AEBP2: variants seen among roughly 807,000 people sequenced by gnomAD.
AEBP2 encodes the protein zinc finger protein AEBP2.
A neutral mutation model predicts 50.8 loss-of-function variants in AEBP2; 10 were observed. That is an observed-to-expected ratio of 0.20 (90% CI 0.12 to 0.33). The LOEUF (loss-of-function observed/expected upper bound fraction) is 0.33, where lower values mean the gene tolerates loss of function less well. AEBP2 is among the 10% of genes least tolerant of loss of function. The pLI is 1.00. For missense variants in AEBP2, 570 were observed against 688.0 expected (o/e 0.83, Z 1.92); for synonymous variants, 296 against 261.3 (o/e 1.13, Z -1.28).
intron 3 of AEBP2, among the ~76,000 whole-genome samples, chr12:19,474,259 A>G (rs1948615984): frequency 6.6e-6 from 1 of 152,226 alleles, no homozygotes; most frequent in Admixed American, 6.5e-5. Context: ...AAAGCAGCAT[A>G]TACCATAGAG....
chr12:19,499,353 C>T (rs187502644), intron 4 of AEBP2, among the ~76,000 whole-genome samples: 13 of 152,260 alleles, frequency 8.5e-5, no homozygotes, highest in African/African-American at 2.9e-4. Flanking sequence ...TGGCTCATGC[C>T]TGTATACCCA....
At chr12:19,516,277 AT>A (rs1487604853) in intron 7 of AEBP2, among the ~76,000 whole-genome samples, 2 of 152,246 alleles carry the variant, frequency 1.3e-5, no homozygotes, top group African/African-American at 4.8e-5. Context: ...TTTGTACCTA[AT>A]TTAGAGTTAT....
Position 19,500,182 on chromosome 12 carries a change from A to C in AEBP2, c.1260A>C (p.Glu420Asp). The C allele has an allele frequency of 6.3e-7, 1 of 1,588,978 alleles. No individual in the cohort carries two copies. Among genetic ancestry groups the C allele is most frequent in the Non-Finnish European group, 8.6e-7 (1 of 1,166,972 alleles). The stretch of plus-strand genomic sequence containing the variant: ...GCTTTAACCTCTCAGCTCATATAGA[A>C]AGTTTAGGGAAGGGACACAGTGTTG... Reference protein sequence around the residue: ...AICFNLSAHIESLGKGHSVVF... With the variant: ...AICFNLSAHIDSLGKGHSVVF... Residue 420 changes from glutamate to aspartate, a missense_variant, in exon 5 of 8, where the codon GAA (glutamate) becomes GAC (aspartate). By Grantham distance (45) the Glu-to-Asp change is conservative (BLOSUM62 2). This residue lies in a region of AEBP2 where 184 missense variants were observed against 351.2 expected (regional missense o/e 0.52). Coordinates refer to ENST00000266508, the MANE Select transcript of AEBP2 (RefSeq NM_153207.5).
intron 1 of AEBP2, among the ~76,000 whole-genome samples, chr12:19,424,740 G>T (rs1050744392): frequency 2.0e-5 from 3 of 152,048 alleles, no homozygotes; most frequent in African/African-American, 7.2e-5. Flanking sequence ...AGGTGTGGTG[G>T]CTCACACCTA....
In AEBP2 at chr12:19,519,844, A is replaced by G. The variant is rs1486214599; in HGVS notation, c.*1727A>G. 6.6e-6 allele frequency: 1 copy of G among 152,402 alleles called. No individual in the cohort carries two copies. Among genetic ancestry groups the G allele is most frequent in the Non-Finnish European group, 1.5e-5 (1 of 67,974 alleles). 9.4% of individuals were successfully genotyped at this position (152,402 alleles called of 1,614,324 possible). ...TATACATGAAAATGAGTCTTATAAAATTAAGTGAAGTGCAAATAAAAGCAC... is the reference window on the plus strand; with the variant it reads ...TATACATGAAAATGAGTCTTATAAAGTTAAGTGAAGTGCAAATAAAAGCAC... On this transcript the variant is annotated 3_prime_UTR_variant, in exon 8 of 8. Transcript: ENST00000266508.
At chr12:19,405,988 T>C (rs2095736077) in intron 1 of AEBP2, among the ~76,000 whole-genome samples, 1 of 151,368 alleles carries the variant, frequency 6.6e-6, no homozygotes, top group Non-Finnish European at 1.5e-5. Flanking sequence ...TTTTTTTCTT[T>C]TTTGAGACGG....
chr12:19,501,349 A>G (rs898990800), intron 5 of AEBP2, among the ~76,000 whole-genome samples: 1 of 151,206 alleles, frequency 6.6e-6, no homozygotes, highest in African/African-American at 2.4e-5. Flanking sequence ...AAAAAAAAAA[A>G]TACAGCCAGG....
chr12:19,446,920 C>T (rs1359362897), intron 1 of AEBP2, among the ~76,000 whole-genome samples: 1 of 151,474 alleles, frequency 6.6e-6, no homozygotes, highest in Non-Finnish European at 1.5e-5. Flanking sequence ...GCAAGACTCT[C>T]ACAAAAAACA....
chr12:19,505,047 A>T (rs1315573559), intron 5 of AEBP2, among the ~76,000 whole-genome samples: 1 of 152,202 alleles, frequency 6.6e-6, no homozygotes, highest in Non-Finnish European at 1.5e-5. Context: ...TAGGAAATAC[A>T]TTTATCTAAA....
chr12:19,513,007 T>C (rs1949258666), intron 6 of AEBP2, among the ~76,000 whole-genome samples: 1 of 152,116 alleles, frequency 6.6e-6, no homozygotes, highest in South Asian at 2.1e-4. Context: ...GTGGTGTTTT[T>C]TGTTTTGTTT....
At chr12:19,478,966 T>C (rs1316309156) in intron 3 of AEBP2, among the ~76,000 whole-genome samples, 4 of 152,152 alleles carry the variant, frequency 2.6e-5, no homozygotes, top group African/African-American at 4.8e-5. Context: ...TCTCGCACTT[T>C]GGGAGGCCGA....
At chr12:19,512,602 A>G (rs77994743) in intron 6 of AEBP2, 137 bp downstream of exon 6, 17,711 of 619,088 alleles carry the variant, frequency 0.029, 766 homozygotes, top group Admixed American at 0.15. Context: ...TCAGGATTAA[A>G]GAGATAATCT....
At chr12:19,452,145 C>T (rs1474859182) in intron 1 of AEBP2, among the ~76,000 whole-genome samples, 1 of 152,174 alleles carries the variant, frequency 6.6e-6, no homozygotes, top group Non-Finnish European at 1.5e-5. Flanking sequence ...CCCACCTCAG[C>T]CTCCCAAAGT....
At chr12:19,443,307 C>A (rs1479185068) in intron 1 of AEBP2, among the ~76,000 whole-genome samples, 1 of 150,700 alleles carries the variant, frequency 6.6e-6, no homozygotes, top group Non-Finnish European at 1.5e-5. Context: ...GTTGTCCAGG[C>A]TGGTCTTGAA....
chr12:19,452,070 T>C (rs865814729), intron 1 of AEBP2, among the ~76,000 whole-genome samples: 2 of 152,250 alleles, frequency 1.3e-5, no homozygotes, highest in Middle Eastern at 3.4e-3. Flanking sequence ...TTTGTATTTT[T>C]AGTAGAGGTA....
At chr12:19,503,328 GGTGTGT>G (rs374431120) in intron 5 of AEBP2, among the ~76,000 whole-genome samples, 2 of 145,556 alleles carry the variant, frequency 1.4e-5, no homozygotes, top group Non-Finnish European at 3.1e-5. Flanking sequence ...TGTATTCCTT[GGTGTGT>G]GTGTGTGTGT....
intron 3 of AEBP2, among the ~76,000 whole-genome samples, chr12:19,481,249 C>A (rs1249741155): frequency 2.0e-5 from 3 of 148,040 alleles, no homozygotes; most frequent in Non-Finnish European, 4.5e-5. Flanking sequence ...TACAGGTGCC[C>A]ACCACCACAC....
At chr12:19,481,027 C>A (rs1241996740) in intron 3 of AEBP2, among the ~76,000 whole-genome samples, 1 of 148,490 alleles carries the variant, frequency 6.7e-6, no homozygotes. Flanking sequence ...TGGGTTATTT[C>A]GAAAGCCTTG....
chr12:19,439,462 C>T (rs555424181), upstream of AEBP2, among the ~76,000 whole-genome samples: 2 of 151,494 alleles, frequency 1.3e-5, no homozygotes, highest in East Asian at 2.0e-4. Flanking sequence ...GGGGGAGGTG[C>T]TGCCTCGTGC....
Sources: allele counts gnomAD v4.1 joint callset (sites outside exome capture counted in the v4.1 genomes callset), GRCh38; gene constraint gnomAD v4.1.1; regional missense constraint gnomAD v4.1.1; transcripts MANE v1.5; gene names NCBI Gene and HGNC (gene_info 2026-07-23, HGNC 2026-07-21).